The following CMKLR1 variants were observed in gnomAD, a reference collection of about 807,000 sequenced individuals.
The protein encoded by CMKLR1 is chemerin chemokine-like receptor 1.
CMKLR1 carries 6 observed loss-of-function variants against 8.2 expected under a neutral mutation model. The ratio of observed to expected loss-of-function variants is 0.73; its 90% CI spans 0.40 to 1.44. The LOEUF (loss-of-function observed/expected upper bound fraction) is 1.44. Among genes scored for constraint, CMKLR1 ranks in the 40% most tolerant of loss-of-function variants. The pLI is 0.02. For synonymous variants in CMKLR1, 178 were observed against 181.2 expected, an observed-to-expected ratio of 0.98 and a Z score of 0.14; for missense variants, 429 against 478.0, an observed-to-expected ratio of 0.90 and a Z score of 0.96.
At chr12:108,338,475 T>C (rs1363208543) in intron 1 of CMKLR1, among the ~76,000 whole-genome samples, 2 of 152,226 alleles carry the variant, frequency 1.3e-5, no homozygotes, top group Non-Finnish European at 2.9e-5. Flanking sequence ...GGGTTTAGTA[T>C]GTGAGAATAC....
intron 2 of CMKLR1, among the ~76,000 whole-genome samples, chr12:108,325,075 CG>C (rs1208816103): frequency 6.6e-6 from 1 of 152,160 alleles, no homozygotes; most frequent in Non-Finnish European, 1.5e-5. Context: ...GAGAAGGAGA[CG>C]GAGCAGCCGA....
chr12:108,331,078 A>G (rs1055918814), intron 1 of CMKLR1, among the ~76,000 whole-genome samples: 1 of 152,204 alleles, frequency 6.6e-6, no homozygotes, highest in Non-Finnish European at 1.5e-5. Context: ...GGGCAGAGAC[A>G]GAAAGGTTCT....
At chr12:108,315,997 C>T (rs1004804537) in intron 2 of CMKLR1, among the ~76,000 whole-genome samples, 1 of 152,142 alleles carries the variant, frequency 6.6e-6, no homozygotes, top group East Asian at 1.9e-4. Context: ...TTGGACCCTG[C>T]GCCTCAGCCC....
intron 1 of CMKLR1, among the ~76,000 whole-genome samples, chr12:108,332,947 C>T (rs1892142919): frequency 6.6e-6 from 1 of 152,222 alleles, no homozygotes; most frequent in Admixed American, 6.5e-5. Flanking sequence ...TACACTCCAG[C>T]CTGGGTGACA....
chr12:108,293,672 G>GTA lies in CMKLR1; in HGVS notation c.-73-9_-73-8insTA. 1.1e-6 allele frequency: 1 copy of GTA among 901,972 alleles called. No homozygotes were observed. The highest frequency in any genetic ancestry group is 1.6e-6 in the Non-Finnish European group (1 of 631,184). 55.9% of individuals were successfully genotyped at this position (901,972 alleles called of 1,614,324 possible). A position where few individuals can be genotyped will look rare whatever the true frequency, so the allele number is the denominator to read the frequency against. ...GTACACAGCTAGAAACACCTGTAGGGAAAAAAAAAAAAAAAAAAGCAGCAA... is the reference window on the plus strand; with the variant it reads ...GTACACAGCTAGAAACACCTGTAGGGTAAAAAAAAAAAAAAAAAAAGCAGCAA... On this transcript the variant is annotated splice_polypyrimidine_tract_variant and intron_variant, in intron 2 of 3. Coordinates refer to ENST00000550402, the MANE Select transcript of CMKLR1 (RefSeq NM_001142343.2).
intron 2 of CMKLR1, among the ~76,000 whole-genome samples, chr12:108,311,852 G>C (rs1891587392): frequency 1.3e-5 from 2 of 152,160 alleles, no homozygotes; most frequent in Admixed American, 6.5e-5. Flanking sequence ...AGGACTGCTG[G>C]GGGGACCTCA....
intron 2 of CMKLR1, among the ~76,000 whole-genome samples, chr12:108,308,175 C>G (rs1891456402): frequency 6.6e-6 from 1 of 152,166 alleles, no homozygotes; most frequent in Admixed American, 6.5e-5. Flanking sequence ...ATAGAGGTTA[C>G]TTACCTCTCT....
At chr12:108,295,856 C>A (rs951581457) in intron 2 of CMKLR1, among the ~76,000 whole-genome samples, 2 of 152,208 alleles carry the variant, frequency 1.3e-5, no homozygotes, top group Non-Finnish European at 2.9e-5. Flanking sequence ...GGCTCTCTGG[C>A]TGGGCTGGGA....
chr12:108,339,179 C>A lies in CMKLR1; in HGVS notation c.-439G>T, dbSNP rs1892297396. The A allele has an allele frequency of 6.6e-6, 1 of 152,358 alleles. No individual in the cohort carries two copies. Among genetic ancestry groups the A allele is most frequent in the African/African-American group, 2.4e-5 (1 of 41,444 alleles). The allele number at this position is 152,358 out of a possible 1,614,324, so 9.4% of individuals were successfully genotyped here. On this transcript the variant is annotated 5_prime_UTR_variant, in exon 1 of 4. It removes an upstream start codon present in the reference 5' UTR. Transcript: ENST00000550402. ...CTGTTTGCCCAGAAAGCAGTTCATTCATTTGTTCATTCAAGATCCCCCTCT... is the reference window on the plus strand; with the variant it reads ...CTGTTTGCCCAGAAAGCAGTTCATTAATTTGTTCATTCAAGATCCCCCTCT...
intron 1 of CMKLR1, among the ~76,000 whole-genome samples, chr12:108,334,875 T>C (rs1459417152): frequency 1.3e-5 from 2 of 152,186 alleles, no homozygotes; most frequent in African/African-American, 4.8e-5. Flanking sequence ...TGGATATAAA[T>C]ACCTTTGGCT....
intron 1 of CMKLR1, among the ~76,000 whole-genome samples, chr12:108,333,545 G>C (rs1489080371): frequency 6.6e-6 from 1 of 152,220 alleles, no homozygotes; most frequent in Non-Finnish European, 1.5e-5. Flanking sequence ...TCACTGAACT[G>C]ACCACGTGCT....
At chr12:108,314,369 T>G (rs1891664494) in intron 2 of CMKLR1, among the ~76,000 whole-genome samples, 1 of 152,090 alleles carries the variant, frequency 6.6e-6, no homozygotes, top group Admixed American at 6.5e-5. Flanking sequence ...CTCAGGGGAA[T>G]AGTAAGGCTT....
intron 2 of CMKLR1, among the ~76,000 whole-genome samples, chr12:108,323,227 G>A (rs990331201): frequency 6.6e-6 from 1 of 152,164 alleles, no homozygotes; most frequent in Non-Finnish European, 1.5e-5. Flanking sequence ...CTTCAGAAAA[G>A]AAACAACACA....
intron 1 of CMKLR1, among the ~76,000 whole-genome samples, chr12:108,333,359 G>A (rs1892150951): frequency 6.6e-6 from 1 of 152,098 alleles, no homozygotes; most frequent in African/African-American, 2.4e-5. Context: ...TGAGGCCCAG[G>A]GCACTCTCCA....
In CMKLR1 at chr12:108,319,031, C is replaced by T. The variant is rs1015468913; in HGVS notation, c.-74+10964G>A. On this transcript the variant is annotated intron_variant, in intron 2 of 3. Transcript: ENST00000550402. ...CTTCCAGGCAAGAGTCCTCATCTCC[C>T]TCTTTGTAGCACTCACATCTTCCCA... 5.3e-5 allele frequency among the ~76,000 whole-genome samples: 8 copies of T among 152,260 alleles called. No homozygotes were observed. The East Asian group carries it at 1.4e-3, about 26-fold the overall frequency.
chr12:108,310,980 G>A (rs190073425), intron 2 of CMKLR1, among the ~76,000 whole-genome samples: 111 of 149,448 alleles, frequency 7.4e-4, no homozygotes, highest in African/African-American at 2.2e-3. Context: ...GAGATGAGCA[G>A]GGTGCAGATG....
chr12:108,332,379 G>A (rs1449969864), intron 1 of CMKLR1, among the ~76,000 whole-genome samples: 2 of 152,206 alleles, frequency 1.3e-5, no homozygotes, highest in Non-Finnish European at 1.5e-5. Context: ...GACCCTGTGT[G>A]ATGGTTAATA....
At chr12:108,311,965 G>C (rs538067054) in intron 2 of CMKLR1, among the ~76,000 whole-genome samples, 36 of 152,206 alleles carry the variant, frequency 2.4e-4, no homozygotes, top group Non-Finnish European at 4.6e-4. Flanking sequence ...AGGTCCCTCT[G>C]CCTGGGGTGT....
chr12:108,300,181 C>T (rs1411121073), intron 2 of CMKLR1, among the ~76,000 whole-genome samples: 1 of 152,224 alleles, frequency 6.6e-6, no homozygotes, highest in Non-Finnish European at 1.5e-5. Context: ...AGCTTACTCA[C>T]AGCATGGCAG....
Sources: gnomAD v4.1 joint callset for allele counts (sites outside exome capture counted in the v4.1 genomes callset) on GRCh38, gnomAD v4.1.1 for gene constraint, MANE v1.5 for transcripts, NCBI Gene and HGNC (gene_info 2026-07-23, HGNC 2026-07-21) for gene names.